The following RGMA variants were observed in gnomAD, a reference collection of about 807,000 sequenced individuals.
The protein encoded by RGMA is repulsive guidance molecule A.
A neutral mutation model predicts 23.2 loss-of-function variants in RGMA; 10 were observed. That is an observed-to-expected ratio of 0.43 (90% CI 0.27 to 0.73). The LOEUF (loss-of-function observed/expected upper bound fraction) is 0.73, where lower values mean the gene tolerates loss of function less well. Among genes scored for constraint, RGMA ranks in the 30% least tolerant of loss-of-function variants. The probability of loss-of-function intolerance (pLI) is 0.20; values close to 1 mark genes in which losing one functional copy is unlikely to be tolerated. For synonymous variants in RGMA, 308 were observed against 279.3 expected (o/e 1.10, Z -1.03); for missense variants, 547 against 630.5 (o/e 0.87, Z 1.42).
At chr15:93,051,105 C>T (rs2054911351) in intron 3 of RGMA, among the ~76,000 whole-genome samples, 2 of 152,178 alleles carry the variant, frequency 1.3e-5, no homozygotes, top group South Asian at 2.1e-4. Flanking sequence ...TATTTCCCGC[C>T]CAGCCAGGGA....
chr15:93,044,858 G>A lies in RGMA; in HGVS notation c.*140C>T, dbSNP rs2054788723. ...TAGAAGGGGAGGGGTCCGTGCCTGA[G>A]CCCTTGGCAGCAGGCGGTCCCTGGC... On this transcript the variant is annotated 3_prime_UTR_variant, in exon 4 of 4. Coordinates refer to ENST00000329082, the MANE Select transcript of RGMA (RefSeq NM_020211.3). 2.9e-6 allele frequency: 2 copies of A among 686,624 alleles called. No individual in the cohort carries two copies. Among genetic ancestry groups the A allele is most frequent in the Non-Finnish European group, 4.9e-6 (2 of 407,516 alleles). The allele number at this position is 686,624 out of a possible 1,614,324, so 42.5% of individuals were successfully genotyped here.
Position 93,088,950 on chromosome 15 carries a change from G to A in RGMA, c.-18C>T. The stretch of plus-strand genomic sequence containing the variant: ...GGCTGCATGAGCCCCTGCGGCCCGC[G>A]GGGGGTGGCGCTGGCGGGGCTGCGG... On this transcript the variant is annotated 5_prime_UTR_variant, in exon 1 of 4. Transcript: ENST00000329082. 7.2e-7 allele frequency: 1 copy of A among 1,392,298 alleles called. No individual in the cohort carries two copies. The highest frequency in any genetic ancestry group is 9.3e-7 in the Non-Finnish European group (1 of 1,079,440). The allele number at this position is 1,392,298 out of a possible 1,614,324, so 86.2% of individuals were successfully genotyped here.
At chr15:93,077,333 G>A (rs1393958346) in intron 1 of RGMA, among the ~76,000 whole-genome samples, 1 of 152,186 alleles carries the variant, frequency 6.6e-6, no homozygotes, top group Non-Finnish European at 1.5e-5. Context: ...GAATCTCTGT[G>A]GGGTAGAGCC....
At chr15:93,058,019 C>T (rs2055041597) in intron 2 of RGMA, among the ~76,000 whole-genome samples, 1 of 152,190 alleles carries the variant, frequency 6.6e-6, no homozygotes, top group African/African-American at 2.4e-5. Context: ...AATGCCTCTT[C>T]TGCTGAGACA....
intron 2 of RGMA, among the ~76,000 whole-genome samples, chr15:93,069,727 G>C (rs1037334878): frequency 6.6e-6 from 1 of 152,192 alleles, no homozygotes; most frequent in Non-Finnish European, 1.5e-5. Context: ...GGTGGGCCTA[G>C]AACTTGCATT....
At position 93,044,639 on chromosome 15, in the gene RGMA, A is replaced by G; in HGVS notation, c.*359T>C. The G allele has an allele frequency of 3.3e-6, 1 of 301,266 alleles. No homozygotes were observed. The highest frequency in any genetic ancestry group is 6.0e-6 in the Non-Finnish European group (1 of 165,984). The allele number at this position is 301,266 out of a possible 1,614,324, so 18.7% of individuals were successfully genotyped here. ...CGAGCAGCAGTCGGCCGGGCCTTTC[A>G]GTGCATTGCGAGGGGGAAGGAGCTG... On this transcript the variant is annotated 3_prime_UTR_variant, in exon 4 of 4. Transcript: ENST00000329082.
At chr15:93,048,932 G>C (rs55641398) in intron 3 of RGMA, among the ~76,000 whole-genome samples, 25,315 of 151,096 alleles carry the variant, frequency 0.17, 2,830 homozygotes, top group South Asian at 0.34. Flanking sequence ...TGCTTTCCAA[G>C]TGCCATCAGT....
At chr15:93,051,647 G>A (rs943516720) in intron 3 of RGMA, among the ~76,000 whole-genome samples, 4 of 152,328 alleles carry the variant, frequency 2.6e-5, no homozygotes, top group East Asian at 1.9e-4. Context: ...TCGTGGGGCC[G>A]CTCAGAATAT....
At chr15:93,069,701 G>A (rs1267216144) in intron 2 of RGMA, among the ~76,000 whole-genome samples, 1 of 152,188 alleles carries the variant, frequency 6.6e-6, no homozygotes, top group Non-Finnish European at 1.5e-5. Context: ...CAGAGTAACT[G>A]CTTCTATAGG....
In RGMA at chr15:93,045,585, C is replaced by G. The variant is rs920462554; in HGVS notation, c.766G>C (p.Ala256Pro). The G allele has an allele frequency of 6.2e-7, 1 of 1,613,146 alleles. No individual in the cohort carries two copies. Among genetic ancestry groups the G allele is most frequent in the Non-Finnish European group, 8.5e-7 (1 of 1,179,884 alleles). Residue 256 changes from alanine to proline, a missense_variant, in exon 4 of 4, where the codon GCC (alanine) becomes CCC (proline). Ala to Pro is a conservative substitution (Grantham distance 27, BLOSUM62 -1). Around this residue, in one of 3 missense-constraint regions of RGMA, gnomAD observed 128 missense variants for 191.7 expected, o/e 0.67. Coordinates refer to ENST00000329082, the MANE Select transcript of RGMA (RefSeq NM_020211.3). This position sits in a 1 kb window ranked among gnomAD's most constrained non-coding sequence, Gnocchi z 6.9. ...GSKNGGDKHG[A>P]NSLKITEKVS... The stretch of plus-strand genomic sequence containing the variant: ...TTCTCAGTGATCTTCAGGCTGTTGG[C>G]CCCGTGCTTGTCCCCACCGTTCTTA...
At chr15:93,054,874 GT>G (rs2054988073) in intron 2 of RGMA, among the ~76,000 whole-genome samples, 2 of 152,308 alleles carry the variant, frequency 1.3e-5, no homozygotes, top group Non-Finnish European at 1.5e-5. Flanking sequence ...TGTACAAGAT[GT>G]GCAAGGGCCC....
chr15:93,075,451 G>A (rs894955503), intron 1 of RGMA, among the ~76,000 whole-genome samples: 6 of 152,190 alleles, frequency 3.9e-5, no homozygotes, highest in East Asian at 1.9e-4. Flanking sequence ...CAGACACATT[G>A]GGATATATGT....
Position 93,065,909 on chromosome 15 carries a change from T to TG in RGMA, c.130+7006dup, listed in dbSNP as rs1210269786. 1.3e-5 allele frequency: 9 copies of TG among 718,074 alleles called. No homozygotes were observed. The East Asian group carries it at 2.4e-4, about 19-fold the overall frequency. The allele number at this position is 718,074 out of a possible 1,614,324, so 44.5% of individuals were successfully genotyped here. ...GTGCTCTCTGTAGGCTGTTGCTGGC[T>TG]GGGGGGCCGAGGGACTCGCACAAAC... is the stretch of plus-strand genomic sequence containing the variant. On this transcript the variant is annotated intron_variant, in intron 2 of 3. Transcript: ENST00000329082.
chr15:93,087,010 A>C (rs999580691), intron 1 of RGMA, among the ~76,000 whole-genome samples: 1 of 152,220 alleles, frequency 6.6e-6, no homozygotes, highest in African/African-American at 2.4e-5. Context: ...ACAGTTTGAG[A>C]CAGCATGACG....
chr15:93,075,342 G>C (rs1401873562), intron 1 of RGMA, among the ~76,000 whole-genome samples: 1 of 152,048 alleles, frequency 6.6e-6, no homozygotes, highest in Non-Finnish European at 1.5e-5. Flanking sequence ...AAAAGCAAAG[G>C]TGCTTTGACA....
chr15:93,077,394 A>C (rs1895489793), intron 1 of RGMA, among the ~76,000 whole-genome samples: 1 of 152,146 alleles, frequency 6.6e-6, no homozygotes, highest in Non-Finnish European at 1.5e-5. Context: ...TGTCTAGGGG[A>C]ATAGCTGGGT....
At chr15:93,051,345 C>T (rs2054915638) in intron 3 of RGMA, among the ~76,000 whole-genome samples, 3 of 152,246 alleles carry the variant, frequency 2.0e-5, no homozygotes, top group Admixed American at 2.0e-4. Context: ...AGCTGGAAAC[C>T]CCAGGGGGCA....
At chr15:93,082,055 T>A (rs1323866347) in intron 1 of RGMA, among the ~76,000 whole-genome samples, 1 of 152,254 alleles carries the variant, frequency 6.6e-6, no homozygotes, top group East Asian at 1.9e-4. Flanking sequence ...TTTGCAGATC[T>A]ATCAAAAGAT....
rs1192755486 is a variant in RGMA, at chr15:93,088,935, G to A, written c.-3C>T. On this transcript the variant is annotated 5_prime_UTR_variant, in exon 1 of 4. Transcript: ENST00000329082. ...CGCGCTTACCTTGGCGGCTGCATGA[G>A]CCCCTGCGGCCCGCGGGGGGTGGCG... The A allele has an allele frequency of 1.2e-5, 17 of 1,417,616 alleles. No individual in the cohort carries two copies. Among genetic ancestry groups the A allele is most frequent in the Non-Finnish European group, 1.6e-5 (17 of 1,094,508 alleles). The allele number at this position is 1,417,616 out of a possible 1,614,324, so 87.8% of individuals were successfully genotyped here.
Sources: allele counts gnomAD v4.1 joint callset (sites outside exome capture counted in the v4.1 genomes callset), GRCh38; gene constraint gnomAD v4.1.1; regional missense constraint gnomAD v4.1.1; non-coding constraint Gnocchi (gnomAD v3.1); transcripts MANE v1.5; gene names NCBI Gene and HGNC (gene_info 2026-07-23, HGNC 2026-07-21).